The following MAPKAP1 variants were observed in gnomAD, a reference collection of about 807,000 sequenced individuals.
The protein encoded by MAPKAP1 is target of rapamycin complex 2 subunit MAPKAP1.
MAPKAP1 carries 20 observed loss-of-function variants against 65.7 expected under a neutral mutation model. The observed-to-expected ratio is 0.30, with a 90% CI of 0.21 to 0.44. The LOEUF is 0.44. Ranked by LOEUF, MAPKAP1 falls within the 20% of genes least tolerant of loss-of-function variation. MAPKAP1 has a pLI of 1.00. For missense variants in MAPKAP1, 423 were observed against 648.0 expected (o/e 0.65, Z 3.77); for synonymous variants, 222 against 244.3 (o/e 0.91, Z 0.85).
intron 3 of MAPKAP1, among the ~76,000 whole-genome samples, chr9:125,661,177 G>C (rs1834174572): frequency 6.6e-6 from 1 of 152,078 alleles, no homozygotes; most frequent in Admixed American, 6.6e-5. Context: ...CATCAGATTG[G>C]CAAAAATCTA....
At chr9:125,483,753 C>T (rs1232853974) in intron 9 of MAPKAP1, among the ~76,000 whole-genome samples, 1 of 152,152 alleles carries the variant, frequency 6.6e-6, no homozygotes, top group African/African-American at 2.4e-5. Context: ...TCATTTACCC[C>T]CTCTGTTAGA....
chr9:125,445,406 T>C (rs1322086795), intron 10 of MAPKAP1, among the ~76,000 whole-genome samples: 1 of 152,238 alleles, frequency 6.6e-6, no homozygotes, highest in Non-Finnish European at 1.5e-5. Flanking sequence ...AAGCCTGGGA[T>C]GTCCTCTCTC....
rs370283399 is a variant in MAPKAP1, at chr9:125,444,519, G to T, written c.1425C>A (p.Val475=). ...TACTCACCTTGAGCACAATTTCATT[G>T]ACGGTAGCAGCGTCCGATTCAAAGT... ...HLYFESDAAT[V]NEIVLKVNYI... The change falls in exon 11 of 12, where the codon GTC becomes GTA. Residue 475 remains valine, a synonymous_variant. Transcript: ENST00000265960. 18 of 1,612,932 alleles carry T rather than the reference G, an allele frequency of 1.1e-5. No individual in the cohort carries two copies. Among genetic ancestry groups the T allele is most frequent in the Non-Finnish European group, 1.4e-5 (17 of 1,179,242 alleles).
At chr9:125,699,173 AC>A (rs1421899932) in intron 1 of MAPKAP1, among the ~76,000 whole-genome samples, 1 of 152,156 alleles carries the variant, frequency 6.6e-6, no homozygotes, top group Non-Finnish European at 1.5e-5. Flanking sequence ...TTTCATATAC[AC>A]TTTACACACA....
intron 4 of MAPKAP1, among the ~76,000 whole-genome samples, chr9:125,644,705 A>G (rs969331483): frequency 2.6e-5 from 4 of 152,314 alleles, no homozygotes; most frequent in East Asian, 3.9e-4. Context: ...GTTAATTACT[A>G]TTGGAAACTG....
At chr9:125,690,533 G>A (rs578130361) in intron 1 of MAPKAP1, among the ~76,000 whole-genome samples, 1 of 152,184 alleles carries the variant, frequency 6.6e-6, no homozygotes, top group Non-Finnish European at 1.5e-5. Context: ...TCTGTAAATG[G>A]AAGTAAGTTC....
At chr9:125,664,943 C>T (rs1834298160) in intron 3 of MAPKAP1, among the ~76,000 whole-genome samples, 1 of 152,024 alleles carries the variant, frequency 6.6e-6, no homozygotes, top group Non-Finnish European at 1.5e-5. Flanking sequence ...GTTATTTGGC[C>T]TCTGAGCACC....
Position 125,438,360 on chromosome 9 carries a change from GA to G in MAPKAP1, c.*526del, listed in dbSNP as rs1300445174. ...ACTAAGACCTAAACATTTCTTCTGAGAAATCGAACCATAGCTTTTCCAATCT... is the reference window on the plus strand; with the variant it reads ...ACTAAGACCTAAACATTTCTTCTGAGAATCGAACCATAGCTTTTCCAATCT... On this transcript the variant is annotated 3_prime_UTR_variant, in exon 12 of 12. Transcript: ENST00000265960. 1 of 399,074 alleles carries G rather than the reference GA, an allele frequency of 2.5e-6. No individual in the cohort carries two copies. Among genetic ancestry groups the G allele is most frequent in the Non-Finnish European group, 4.4e-6 (1 of 226,306 alleles). The allele number at this position is 399,074 out of a possible 1,614,324, so 24.7% of individuals were successfully genotyped here. A position where few individuals can be genotyped will look rare whatever the true frequency, so the allele number is the denominator to read the frequency against.
chr9:125,685,324 A>G (rs1421173276), intron 1 of MAPKAP1, among the ~76,000 whole-genome samples: 1 of 152,248 alleles, frequency 6.6e-6, no homozygotes, highest in East Asian at 1.9e-4. Flanking sequence ...ATCTGACTTA[A>G]CACCTGAAGG....
At chr9:125,691,215 C>T (rs890165679) in intron 1 of MAPKAP1, among the ~76,000 whole-genome samples, 8 of 152,048 alleles carry the variant, frequency 5.3e-5, no homozygotes, top group African/African-American at 1.2e-4. Context: ...GAGCCGAGAT[C>T]GCGCCACTGC....
intron 4 of MAPKAP1, among the ~76,000 whole-genome samples, chr9:125,624,715 G>C (rs1267897624): frequency 1.4e-5 from 1 of 73,224 alleles, no homozygotes; most frequent in Non-Finnish European, 2.9e-5. Flanking sequence ...CCCTCTGCCC[G>C]GCCACCACCC....
intron 4 of MAPKAP1, chr9:125,596,018 A>C (rs1334774385): frequency 1.3e-6 from 2 of 1,494,800 alleles, no homozygotes; most frequent in African/African-American, 1.4e-5. Context: ...ACACTGAAGA[A>C]CATCACCTGC....
At position 125,443,889 on chromosome 9, in the gene MAPKAP1, C is replaced by A. The variant is rs1051835562; in HGVS notation, c.1443+612G>T. Among the ~76,000 whole-genome samples the A allele has an allele frequency of 8.5e-5, 13 of 152,264 alleles. No individual in the cohort carries two copies. The South Asian group carries it at 2.3e-3, about 27-fold the overall frequency. On this transcript the variant is annotated intron_variant, in intron 11 of 11. Coordinates refer to ENST00000265960, the MANE Select transcript of MAPKAP1 (RefSeq NM_001006617.3). Reference sequence around the variant, plus strand: ...TCAGTTTACTGTGACACACCCACACCTTTGAGACTAACGATCTCTTTGTAA... The same window carrying A: ...TCAGTTTACTGTGACACACCCACACATTTGAGACTAACGATCTCTTTGTAA...
chr9:125,489,612 G>A (rs1352593354), intron 8 of MAPKAP1, among the ~76,000 whole-genome samples: 1 of 152,094 alleles, frequency 6.6e-6, no homozygotes, highest in Admixed American at 6.5e-5. Context: ...CCCAGGAGGA[G>A]AAGCAGCTTA....
intron 7 of MAPKAP1, among the ~76,000 whole-genome samples, chr9:125,508,375 T>C (rs1829205168): frequency 6.6e-6 from 1 of 152,184 alleles, no homozygotes; most frequent in African/African-American, 2.4e-5. Flanking sequence ...GCCCCTTTAG[T>C]CTAGCAGAGG....
chr9:125,699,897 G>A (rs1033698532), intron 1 of MAPKAP1, among the ~76,000 whole-genome samples: 5 of 152,182 alleles, frequency 3.3e-5, no homozygotes, highest in African/African-American at 9.7e-5. Flanking sequence ...TTAAAGGTGT[G>A]AGCCAGCAAA....
chr9:125,452,094 G>C (rs1852977345), intron 10 of MAPKAP1, among the ~76,000 whole-genome samples: 1 of 152,056 alleles, frequency 6.6e-6, no homozygotes, highest in Non-Finnish European at 1.5e-5. Flanking sequence ...ACAGGCATGA[G>C]CCACCGCACC....
intron 9 of MAPKAP1, 108 bp from the exon 10 acceptor site, chr9:125,468,217 G>C: frequency 8.3e-7 from 1 of 1,201,742 alleles, no homozygotes; most frequent in Non-Finnish European, 1.2e-6. Context: ...GCATGAACGT[G>C]AGCTCTTTCT....
rs1829616283 is a variant in MAPKAP1 at position 125,521,483 on chromosome 9, C to T, written c.959-15066G>A. The T allele has an allele frequency of 1.3e-5, 16 of 1,245,916 alleles. No homozygotes were observed. The South Asian group carries it at 3.9e-4, about 30-fold the overall frequency. 77.2% of individuals were successfully genotyped at this position (1,245,916 alleles called of 1,614,324 possible). On this transcript the variant is annotated intron_variant, in intron 7 of 11. Coordinates refer to ENST00000265960, the MANE Select transcript of MAPKAP1 (RefSeq NM_001006617.3). The stretch of plus-strand genomic sequence containing the variant: ...ATACAGATGGTTTTGTGGAAATAAA[C>T]AGTCATTTATTTTAAACAATTGTAA...
Sources: gnomAD v4.1 joint callset for allele counts (sites outside exome capture counted in the v4.1 genomes callset) on GRCh38, gnomAD v4.1.1 for gene constraint, MANE v1.5 for transcripts, NCBI Gene and HGNC (gene_info 2026-07-23, HGNC 2026-07-21) for gene names.